The following RUFY2 variants were observed in gnomAD, a reference collection of about 807,000 sequenced individuals.
RUFY2 encodes RUN and FYVE domain-containing protein 2.
A neutral mutation model predicts 94.4 loss-of-function variants in RUFY2; 49 were observed. The observed-to-expected ratio is 0.52, with a 90% CI of 0.41 to 0.66. RUFY2 has a LOEUF of 0.66. RUFY2 is among the 30% of genes least tolerant of loss of function. RUFY2 has a pLI of 0.00. For missense variants in RUFY2, 541 were observed against 692.8 expected (o/e 0.78, Z 2.46); for synonymous variants, 255 against 235.7 (o/e 1.08, Z -0.75).
intron 4 of RUFY2, 81 bp from the exon 5 acceptor site, chr10:68,394,532 A>C (rs2050234148): frequency 4.0e-6 from 4 of 1,000,900 alleles, no homozygotes; most frequent in East Asian, 2.6e-5. Flanking sequence ...TTATCTTCCT[A>C]ATCTTCTACC....
At chr10:68,399,995 G>C (rs2050690808) in intron 3 of RUFY2, among the ~76,000 whole-genome samples, 1 of 151,524 alleles carries the variant, frequency 6.6e-6, no homozygotes, top group South Asian at 2.1e-4. Context: ...GGTCAGGCTG[G>C]TCTCGAACTC....
chr10:68,352,879 C>T (rs1367086293), intron 16 of RUFY2, among the ~76,000 whole-genome samples: 1 of 151,140 alleles, frequency 6.6e-6, no homozygotes, highest in Non-Finnish European at 1.5e-5. Context: ...AAGATCGTGC[C>T]ACTACACTTC....
At chr10:68,366,886 A>AT (rs2047890935) in intron 13 of RUFY2, among the ~76,000 whole-genome samples, 3 of 138,538 alleles carry the variant, frequency 2.2e-5, no homozygotes, top group South Asian at 4.9e-4. Context: ...TATATATATA[A>AT]ATATATATAT....
At chr10:68,347,909 G>T (rs1483365902) in intron 16 of RUFY2, among the ~76,000 whole-genome samples, 2 of 147,612 alleles carry the variant, frequency 1.4e-5, no homozygotes, top group Non-Finnish European at 3.0e-5. Flanking sequence ...CTAAAAACAA[G>T]AGTTTTCTTA....
chr10:68,397,042 A>G (rs981960063), intron 3 of RUFY2, among the ~76,000 whole-genome samples, 161 bp from the exon 4 acceptor site: 3 of 152,186 alleles, frequency 2.0e-5, no homozygotes, highest in African/African-American at 7.2e-5. Context: ...AATCCCTGAG[A>G]GCTGGGTAAA....
chr10:68,379,156 G>T, intron 12 of RUFY2: 2 of 330,306 alleles, frequency 6.1e-6, no homozygotes. Context: ...TTGTGTATTT[G>T]TTTTATGTAA....
chr10:68,396,726 G>T, intron 4 of RUFY2, 54 bp downstream of exon 4: 1 of 1,129,712 alleles, frequency 8.9e-7, no homozygotes, highest in Non-Finnish European at 1.3e-6. Flanking sequence ...CTTTTTGGAA[G>T]ACAGCATATA....
intron 6 of RUFY2, 152 bp from the exon 7 acceptor site, chr10:68,393,355 C>T (rs1311752729): frequency 3.9e-6 from 2 of 510,886 alleles, no homozygotes; most frequent in African/African-American, 4.0e-5. Flanking sequence ...AAACTGTGTA[C>T]TAAGTATCTA....
intron 4 of RUFY2, among the ~76,000 whole-genome samples, chr10:68,394,677 C>T (rs889789215): frequency 5.9e-5 from 9 of 151,448 alleles, no homozygotes; most frequent in Admixed American, 1.3e-4. Context: ...TCACCCAGGC[C>T]GGACTGCAGT....
At chr10:68,374,545 T>A (rs1000605875) in intron 13 of RUFY2, among the ~76,000 whole-genome samples, 4 of 151,956 alleles carry the variant, frequency 2.6e-5, no homozygotes, top group African/African-American at 9.7e-5. Flanking sequence ...ATTGAAAAAA[T>A]ATATTTACCA....
intron 16 of RUFY2, 134 bp downstream of exon 16, chr10:68,355,219 G>T: frequency 1.7e-6 from 1 of 594,080 alleles, no homozygotes; most frequent in Non-Finnish European, 3.0e-6. Flanking sequence ...TGAACCCCCA[G>T]CATCCAAGCT....
intron 13 of RUFY2, among the ~76,000 whole-genome samples, chr10:68,371,874 G>A (rs1346969593): frequency 6.6e-6 from 1 of 152,146 alleles, no homozygotes; most frequent in African/African-American, 2.4e-5. Context: ...AAGGCCAAGA[G>A]AGAGTGGCAT....
intron 15 of RUFY2, among the ~76,000 whole-genome samples, chr10:68,360,526 G>A (rs1036829969): frequency 3.3e-5 from 5 of 151,816 alleles, no homozygotes; most frequent in South Asian, 2.1e-4. Flanking sequence ...GGCAGATCAC[G>A]AGGTCAGGAG....
chr10:68,397,555 C>A (rs545973702), intron 3 of RUFY2, among the ~76,000 whole-genome samples: 1 of 150,762 alleles, frequency 6.6e-6, no homozygotes, highest in African/African-American at 2.4e-5. Context: ...CATAGGGAGA[C>A]CCTGTCTCTA....
chr10:68,360,000 A>G, intron 15 of RUFY2, among the ~76,000 whole-genome samples: 1 of 152,082 alleles, frequency 6.6e-6, no homozygotes, highest in East Asian at 1.9e-4. Context: ...TAATTTTTGT[A>G]TTTTTAGTAG....
intron 7 of RUFY2, 58 bp downstream of exon 7, chr10:68,393,079 GA>G: frequency 6.1e-6 from 6 of 988,126 alleles, no homozygotes; most frequent in South Asian, 3.4e-5. Flanking sequence ...AAGCTGAAGG[GA>G]AAAAAACAAA....
chr10:68,341,962 A>C (rs776286046), downstream of RUFY2: 1 of 1,613,108 alleles, frequency 6.2e-7, no homozygotes. Flanking sequence ...GTGATTCTTA[A>C]TATCTTTTTC....
At chr10:68,380,248 C>T (rs1370544764) in intron 11 of RUFY2, among the ~76,000 whole-genome samples, 1 of 151,882 alleles carries the variant, frequency 6.6e-6, no homozygotes, top group Non-Finnish European at 1.5e-5. Flanking sequence ...CTCTATTAGT[C>T]CTCATTTAAA....
intron 13 of RUFY2, among the ~76,000 whole-genome samples, chr10:68,368,975 TCA>T (rs1234606571): frequency 2.0e-5 from 3 of 151,804 alleles, no homozygotes; most frequent in African/African-American, 7.3e-5. Context: ...GCAACAAACC[TCA>T]GTCAGCAAAG....
Sources: gnomAD v4.1 joint callset for allele counts (sites outside exome capture counted in the v4.1 genomes callset) on GRCh38, gnomAD v4.1.1 for gene constraint, MANE v1.5 for transcripts, NCBI Gene and HGNC (gene_info 2026-07-23, HGNC 2026-07-21) for gene names.